CNGB3: variants seen among roughly 807,000 people sequenced by gnomAD.
The protein encoded by CNGB3 is cyclic nucleotide-gated channel beta-3.
A neutral mutation model predicts 92.8 loss-of-function variants in CNGB3; 86 were observed. The ratio of observed to expected loss-of-function variants is 0.93; its 90% CI spans 0.78 to 1.11. The LOEUF is 1.11. Among genes scored for constraint, CNGB3 ranks in the 50% least tolerant of loss-of-function variants. CNGB3 has a pLI of 0.00. For synonymous variants in CNGB3, 333 were observed against 332.7 expected (o/e 1.00, Z -0.01); for missense variants, 1,026 against 956.8 (o/e 1.07, Z -0.95).
intron 3 of CNGB3, among the ~76,000 whole-genome samples, chr8:86,712,840 T>C (rs562065169): frequency 6.6e-6 from 1 of 151,212 alleles, no homozygotes; most frequent in African/African-American, 2.4e-5. Context: ...ATTCTCCCTC[T>C]ACAAACTCCC....
intron 6 of CNGB3, among the ~76,000 whole-genome samples, chr8:86,655,619 C>T (rs1823490528): frequency 6.6e-6 from 1 of 152,200 alleles, no homozygotes; most frequent in African/African-American, 2.4e-5. Flanking sequence ...CATGCCTTTT[C>T]ATGACTCACA....
rs535806861 is a variant in CNGB3 at position 86,737,163 on chromosome 8, T to C, written c.211+2492A>G. ...AGTATCCTCTACATTCTAATCTGCA[T>C]AGTGAAAAAACAGAGGTGTTTTTCA... On this transcript the variant is annotated intron_variant, in intron 2 of 17. Transcript: ENST00000320005. 3.7e-4 allele frequency among the ~76,000 whole-genome samples: 57 copies of C among 152,292 alleles called. No individual in the cohort carries two copies. In the South Asian group the frequency reaches 0.011, roughly 30 times the overall value.
chr8:86,665,922 AG>A (rs1413117183), intron 6 of CNGB3, among the ~76,000 whole-genome samples: 1 of 152,208 alleles, frequency 6.6e-6, no homozygotes, highest in African/African-American at 2.4e-5. Context: ...GGGTCATGAA[AG>A]CTTTGCTTTG....
Position 86,668,040 on chromosome 8 carries a change from T to C in CNGB3, c.622A>G (p.Asn208Asp). The C allele has an allele frequency of 6.2e-7, 1 of 1,614,120 alleles. No individual in the cohort carries two copies. Among genetic ancestry groups the C allele is most frequent in the Admixed American group, 1.7e-5 (1 of 60,002 alleles). ...TEYLKRIKLP[N>D]SIDSYTDRLY... ...ATACCTGTGTATGAATCTATGCTGT[T>C]TGGAAGTTTAATTCGCTTTAAGTAC... Residue 208 changes from asparagine (N) to aspartate (D), a missense_variant, in exon 5 of 18, where the codon AAC becomes GAC. Physicochemically the swap from Asn to Asp is conservative, Grantham distance 23 (BLOSUM62 1). Transcript: ENST00000320005.
rs1380355143 is a variant in CNGB3, at chr8:86,667,972, G to A, written c.643+47C>T. On this transcript the variant is annotated intron_variant, in intron 5 of 17. Transcript: ENST00000320005. ...GTGACTTTGAGTCACAGGGTTTCTTGGTGATAGCCAGCCCTCCCACTATGA... is the reference window on the plus strand; with the variant it reads ...GTGACTTTGAGTCACAGGGTTTCTTAGTGATAGCCAGCCCTCCCACTATGA... The A allele has an allele frequency of 6.9e-6, 11 of 1,602,836 alleles. No homozygotes were observed. In the Admixed American group the frequency reaches 1.5e-4, roughly 22 times the overall value.
intron 13 of CNGB3, among the ~76,000 whole-genome samples, chr8:86,614,691 G>A (rs1822583258): frequency 6.6e-6 from 1 of 152,152 alleles, no homozygotes; most frequent in Admixed American, 6.6e-5. Context: ...CGGGTCAGAC[G>A]AAAGCCACAA....
At chr8:86,693,432 A>ATTATTTATTTAT (rs1554615923) in intron 3 of CNGB3, among the ~76,000 whole-genome samples, 1 of 138,058 alleles carries the variant, frequency 7.2e-6, no homozygotes, top group Non-Finnish European at 1.6e-5. Context: ...TATTATTATT[A>ATTATTTATTTAT]TTATTTATTT....
chr8:86,741,516 A>T (rs975073327), intron 1 of CNGB3, among the ~76,000 whole-genome samples: 1 of 152,096 alleles, frequency 6.6e-6, no homozygotes, highest in Non-Finnish European at 1.5e-5. Flanking sequence ...ATACAAAAAA[A>T]TGAGCTGGGT....
At chr8:86,623,152 G>A (rs183543020) in intron 13 of CNGB3, among the ~76,000 whole-genome samples, 29 of 152,112 alleles carry the variant, frequency 1.9e-4, no homozygotes, top group Admixed American at 8.5e-4. Context: ...ATCACATTGA[G>A]TCCTTTGGCT....
chr8:86,589,031 A>G (rs1231443085), intron 15 of CNGB3, among the ~76,000 whole-genome samples: 46 of 152,328 alleles, frequency 3.0e-4, no homozygotes, highest in Non-Finnish European at 8.8e-5. Flanking sequence ...TTATTGGTCT[A>G]TTCAGAGATT....
At chr8:86,604,348 C>G (rs1168821351) in intron 14 of CNGB3, 137 bp from the exon 15 acceptor site, 5 of 623,394 alleles carry the variant, frequency 8.0e-6, no homozygotes, top group Non-Finnish European at 1.4e-5. Flanking sequence ...AATTAATTAT[C>G]TTAAGACCTA....
intron 3 of CNGB3, among the ~76,000 whole-genome samples, chr8:86,701,651 C>A (rs1824558886): frequency 6.6e-6 from 1 of 152,126 alleles, no homozygotes; most frequent in Admixed American, 6.5e-5. Flanking sequence ...CCAGTGAAAG[C>A]CCGAACAGTG....
At chr8:86,605,804 C>A (rs1002546889) in intron 14 of CNGB3, among the ~76,000 whole-genome samples, 5 of 152,080 alleles carry the variant, frequency 3.3e-5, no homozygotes, top group African/African-American at 1.2e-4. Context: ...TTCCTTACAC[C>A]TAGGTTTATT....
At chr8:86,597,652 C>G (rs1274202437) in intron 15 of CNGB3, among the ~76,000 whole-genome samples, 1 of 151,928 alleles carries the variant, frequency 6.6e-6, no homozygotes. Context: ...GTGGTGCATT[C>G]AAGGAATGGG....
intron 10 of CNGB3, among the ~76,000 whole-genome samples, chr8:86,637,765 T>C (rs1306190242): frequency 6.6e-6 from 1 of 152,156 alleles, no homozygotes; most frequent in Non-Finnish European, 1.5e-5. Flanking sequence ...GCTACTGATT[T>C]TTGTATCATT....
At chr8:86,626,315 C>G (rs961610267) in intron 12 of CNGB3, among the ~76,000 whole-genome samples, 1 of 152,208 alleles carries the variant, frequency 6.6e-6, no homozygotes, top group Non-Finnish European at 1.5e-5. Flanking sequence ...GGATGACATA[C>G]TGAATAATTC....
At chr8:86,605,127 C>A (rs545282124) in intron 14 of CNGB3, among the ~76,000 whole-genome samples, 52 of 152,268 alleles carry the variant, frequency 3.4e-4, no homozygotes, top group African/African-American at 1.2e-3. Flanking sequence ...TGTCTGATTT[C>A]TCTCGTGTTT....
At chr8:86,605,295 A>G (rs1822391146) in intron 14 of CNGB3, among the ~76,000 whole-genome samples, 1 of 152,226 alleles carries the variant, frequency 6.6e-6, no homozygotes, top group Non-Finnish European at 1.5e-5. Flanking sequence ...CATCTTCTCT[A>G]ACTTCCAAAA....
At chr8:86,594,516 C>G in intron 15 of CNGB3, 1 of 323,348 alleles carries the variant, frequency 3.1e-6, no homozygotes, top group East Asian at 1.1e-4. Flanking sequence ...CCAGCCTTGT[C>G]TTTGGCAGCC....
Sources: gnomAD v4.1 joint callset for allele counts (sites outside exome capture counted in the v4.1 genomes callset) on GRCh38, gnomAD v4.1.1 for gene constraint, MANE v1.5 for transcripts, NCBI Gene and HGNC (gene_info 2026-07-23, HGNC 2026-07-21) for gene names.